Variants in KLF12 observed in about 807,000 individuals in gnomAD.
The protein encoded by KLF12 is Krueppel-like factor 12.
In KLF12, 9 loss-of-function variants were observed where a neutral mutation model predicts 37.8. The ratio of observed to expected loss-of-function variants is 0.24; its 90% CI spans 0.14 to 0.42. The LOEUF is 0.42. KLF12 is among the 10% of genes least tolerant of loss of function. The pLI is 1.00. For synonymous variants in KLF12, 208 were observed against 202.1 expected, an observed-to-expected ratio of 1.03 and a Z score of -0.25; for missense variants, 411 against 516.0, an observed-to-expected ratio of 0.80 and a Z score of 1.97.
chr13:73,771,438 T>C (rs1251442197), intron 5 of KLF12, among the ~76,000 whole-genome samples: 4 of 152,222 alleles, frequency 2.6e-5, no homozygotes, highest in African/African-American at 9.7e-5. Context: ...GAGCTTATCA[T>C]AACACATTGT....
chr13:74,185,350 A>G, the KLF12 span, among the ~76,000 whole-genome samples: 1 of 152,208 alleles, frequency 6.6e-6, no homozygotes, highest in Non-Finnish European at 1.5e-5. Context: ...GAAACAACAG[A>G]GGAGGCTAAG....
chr13:74,242,636 T>C, the KLF12 span, among the ~76,000 whole-genome samples: 1 of 152,350 alleles, frequency 6.6e-6, no homozygotes, highest in South Asian at 2.1e-4. Context: ...AACAAAGTCA[T>C]GAGGCTAGTT....
At chr13:74,267,038 C>T in the KLF12 span, among the ~76,000 whole-genome samples, 1 of 152,136 alleles carries the variant, frequency 6.6e-6, no homozygotes, top group East Asian at 1.9e-4. Context: ...GATGATAACT[C>T]ACTCTCTAGA....
intron 3 of KLF12, among the ~76,000 whole-genome samples, chr13:73,856,229 G>A (rs1313977803): frequency 6.6e-6 from 1 of 152,242 alleles, no homozygotes; most frequent in East Asian, 1.9e-4. Flanking sequence ...AGGGGGCCAT[G>A]CCCGCCAGCC....
chr13:73,934,426 T>C (rs1889832121), intron 3 of KLF12, among the ~76,000 whole-genome samples: 2 of 152,244 alleles, frequency 1.3e-5, no homozygotes, highest in South Asian at 4.1e-4. Context: ...TTATATTTGC[T>C]TTCAGCAGTC....
At chr13:73,725,883 T>C (rs927758567) in intron 6 of KLF12, among the ~76,000 whole-genome samples, 1 of 138,318 alleles carries the variant, frequency 7.2e-6, no homozygotes, top group Non-Finnish European at 1.6e-5. Context: ...TTATTTATTT[T>C]TTGAGATGGA....
At chr13:73,704,584 G>A (rs1874794617) in intron 7 of KLF12, among the ~76,000 whole-genome samples, 2 of 152,194 alleles carry the variant, frequency 1.3e-5, no homozygotes, top group African/African-American at 4.8e-5. Context: ...ACCAGGACCA[G>A]TTTCTAATGA....
the KLF12 span, among the ~76,000 whole-genome samples, chr13:74,267,602 A>G: frequency 1.3e-5 from 2 of 152,170 alleles, no homozygotes; most frequent in African/African-American, 4.8e-5. Flanking sequence ...AGGAGGGATG[A>G]AGAGAGGTTG....
At chr13:73,991,933 T>C (rs952935278) in intron 2 of KLF12, among the ~76,000 whole-genome samples, 2 of 152,230 alleles carry the variant, frequency 1.3e-5, no homozygotes, top group South Asian at 4.1e-4. Context: ...TAAACCCTTT[T>C]TGTGTGGCAT....
the KLF12 span, among the ~76,000 whole-genome samples, chr13:74,212,640 T>C: frequency 3.9e-5 from 6 of 152,142 alleles, no homozygotes; most frequent in Non-Finnish European, 5.9e-5. Flanking sequence ...AAAATTTGAC[T>C]ATCTTGATGA....
chr13:73,778,291 A>G (rs1880748233), intron 5 of KLF12, among the ~76,000 whole-genome samples: 1 of 152,208 alleles, frequency 6.6e-6, no homozygotes, highest in East Asian at 1.9e-4. Flanking sequence ...CAGTTACACA[A>G]ACACAAGTGT....
the KLF12 span, among the ~76,000 whole-genome samples, chr13:74,206,482 G>A: frequency 3.9e-5 from 6 of 152,144 alleles, no homozygotes; most frequent in East Asian, 3.9e-4. Context: ...TTTGTCTCCC[G>A]GAGACTCTGG....
the KLF12 span, among the ~76,000 whole-genome samples, chr13:74,247,479 A>G: frequency 1.3e-5 from 2 of 152,218 alleles, no homozygotes; most frequent in African/African-American, 2.4e-5. Flanking sequence ...TAGGTGAAGA[A>G]GAAAGATGAA....
chr13:74,170,759 A>C, the KLF12 span, among the ~76,000 whole-genome samples: 1 of 152,156 alleles, frequency 6.6e-6, no homozygotes, highest in Admixed American at 6.5e-5. Flanking sequence ...TTTGGTTCCT[A>C]GTACCTTATT....
chr13:74,135,938 T>C (rs1213390876), upstream of KLF12, among the ~76,000 whole-genome samples: 1 of 152,080 alleles, frequency 6.6e-6, no homozygotes, highest in Non-Finnish European at 1.5e-5. Flanking sequence ...GCGGTGTGCG[T>C]TCCTAATGAC....
chr13:74,097,224 C>CT (rs1289751916), intron 1 of KLF12, among the ~76,000 whole-genome samples: 1 of 152,134 alleles, frequency 6.6e-6, no homozygotes, highest in African/African-American at 2.4e-5. Flanking sequence ...TATAAGGTTT[C>CT]TTTTTTGAGT....
intron 1 of KLF12, among the ~76,000 whole-genome samples, chr13:74,062,536 C>A (rs1388405953): frequency 6.6e-6 from 1 of 152,102 alleles, no homozygotes; most frequent in Non-Finnish European, 1.5e-5. Flanking sequence ...TGTTACAAAA[C>A]AATTTTTTTA....
At chr13:74,211,783 A>AT in the KLF12 span, among the ~76,000 whole-genome samples, 2 of 152,156 alleles carry the variant, frequency 1.3e-5, no homozygotes, top group African/African-American at 4.8e-5. Flanking sequence ...TCAGTTGAAG[A>AT]TTTTTTAACA....
chr13:73,787,671 A>G (rs1022305156), intron 5 of KLF12, among the ~76,000 whole-genome samples: 19 of 152,170 alleles, frequency 1.2e-4, no homozygotes, highest in African/African-American at 3.9e-4. Flanking sequence ...AAGTTTGGGG[A>G]TTGGAACTCA....
Sources: allele counts gnomAD v4.1 joint callset (sites outside exome capture counted in the v4.1 genomes callset), GRCh38; gene constraint gnomAD v4.1.1; transcripts MANE v1.5; gene names NCBI Gene and HGNC (gene_info 2026-07-23, HGNC 2026-07-21).